The following FANK1 variants were observed in gnomAD, a reference collection of about 807,000 sequenced individuals.
FANK1 encodes fibronectin type III and ankyrin repeat domains 1.
Under a neutral mutation model 45.3 loss-of-function variants are expected in FANK1, and 44 were observed. That is an observed-to-expected ratio of 0.97 (90% CI 0.76 to 1.25). The LOEUF (loss-of-function observed/expected upper bound fraction) is 1.25, where lower values mean the gene tolerates loss of function less well. Ranked by LOEUF, FANK1 falls within the 50% of genes most tolerant of loss-of-function variation. The pLI is 0.00. For missense variants in FANK1, 391 were observed against 424.4 expected, an observed-to-expected ratio of 0.92 and a Z score of 0.69; for synonymous variants, 149 against 152.5, an observed-to-expected ratio of 0.98 and a Z score of 0.17.
chr10:125,944,165 C>T (rs1048090717), intron 1 of FANK1, among the ~76,000 whole-genome samples: 2 of 152,168 alleles, frequency 1.3e-5, no homozygotes, highest in African/African-American at 4.8e-5. Flanking sequence ...TTTAGAGTAG[C>T]ACACGATAAT....
At chr10:125,977,808 T>C (rs1295299489) in intron 1 of FANK1, among the ~76,000 whole-genome samples, 1 of 152,082 alleles carries the variant, frequency 6.6e-6, no homozygotes. Flanking sequence ...GGAGACAGAC[T>C]GGCTGCCTCT....
At chr10:125,951,246 A>G (rs960028155) in intron 1 of FANK1, among the ~76,000 whole-genome samples, 83 of 152,234 alleles carry the variant, frequency 5.5e-4, no homozygotes, top group African/African-American at 1.9e-3. Flanking sequence ...TAAAAAAAAA[A>G]AAAAGAACAA....
intron 3 of FANK1, among the ~76,000 whole-genome samples, chr10:125,993,849 A>G (rs1360722237): frequency 6.6e-6 from 1 of 152,266 alleles, no homozygotes. Context: ...TTATTTCAAA[A>G]TAATTTAAAC....
At chr10:125,899,347 A>G (rs1336041528) in intron 1 of FANK1, among the ~76,000 whole-genome samples, 1 of 152,192 alleles carries the variant, frequency 6.6e-6, no homozygotes, top group African/African-American at 2.4e-5. Context: ...GGCGTGAGCC[A>G]CCGTGCCCGG....
intron 3 of FANK1, chr10:125,994,847 C>T (rs1321566913): frequency 1.0e-6 from 1 of 985,370 alleles, no homozygotes; most frequent in Non-Finnish European, 1.2e-6. Flanking sequence ...CCTCCTGGGT[C>T]TTCGCTGGTT....
chr10:125,908,464 G>A (rs1245763592), intron 1 of FANK1, among the ~76,000 whole-genome samples: 1 of 152,180 alleles, frequency 6.6e-6, no homozygotes. Context: ...AATCTGGATG[G>A]AATTAGAGAC....
chr10:125,925,459 G>A (rs1373960343), intron 1 of FANK1, among the ~76,000 whole-genome samples: 1 of 152,190 alleles, frequency 6.6e-6, no homozygotes, highest in African/African-American at 2.4e-5. Context: ...TGCAGGGGCT[G>A]TTCACAGGTG....
At chr10:125,995,066 C>A in intron 3 of FANK1, 1 of 522,362 alleles carries the variant, frequency 1.9e-6, no homozygotes, top group Non-Finnish European at 2.5e-6. Flanking sequence ...GCAAATAAAA[C>A]TAGCATATTG....
intron 1 of FANK1, among the ~76,000 whole-genome samples, chr10:125,963,685 T>C (rs966211483): frequency 1.3e-5 from 2 of 152,144 alleles, no homozygotes; most frequent in South Asian, 2.1e-4. Context: ...TAGGTGGGAA[T>C]TGAACAGTGA....
intron 1 of FANK1, among the ~76,000 whole-genome samples, chr10:125,955,428 T>C (rs1949516790): frequency 6.6e-6 from 1 of 152,186 alleles, no homozygotes; most frequent in Non-Finnish European, 1.5e-5. Context: ...GCAAAGGATA[T>C]GATCTTGTTC....
chr10:125,959,431 A>AAAAAG (rs1328653154), intron 1 of FANK1, among the ~76,000 whole-genome samples: 3 of 151,434 alleles, frequency 2.0e-5, no homozygotes, highest in Non-Finnish European at 4.4e-5. Context: ...AAAAAAAAAA[A>AAAAAG]AAGATACGAA....
At chr10:125,988,697 A>G in intron 3 of FANK1, 22 bp downstream of exon 3, 1 of 1,614,130 alleles carries the variant, frequency 6.2e-7, no homozygotes, top group South Asian at 1.1e-5. Flanking sequence ...GACCGTCCAC[A>G]CTCACCTCTC....
chr10:126,005,061 G>A lies in FANK1; in HGVS notation c.705+12G>A. 1.2e-6 allele frequency: 2 copies of A among 1,609,368 alleles called. No individual in the cohort carries two copies. The highest frequency in any genetic ancestry group is 1.7e-6 in the Non-Finnish European group (2 of 1,176,948). The stretch of plus-strand genomic sequence containing the variant: ...AGGATGGCTGTGAGGTACGGGACCT[G>A]CCTTGTTAACCACGCACATATCGTT... On this transcript the variant is annotated intron_variant, in intron 7 of 10. Transcript: ENST00000368693.
intron 2 of FANK1, among the ~76,000 whole-genome samples, chr10:125,988,164 C>T (rs1317426528): frequency 1.3e-5 from 2 of 152,220 alleles, no homozygotes; most frequent in Non-Finnish European, 2.9e-5. Context: ...ATGTATTAGC[C>T]TTGCAGCCCC....
intron 7 of FANK1, among the ~76,000 whole-genome samples, chr10:126,005,477 T>G (rs1240341472): frequency 6.6e-6 from 1 of 152,002 alleles, no homozygotes; most frequent in African/African-American, 2.4e-5. Context: ...CCAACTAATT[T>G]TTGTATTTTT....
At chr10:125,963,637 G>GC (rs1309454224) in intron 1 of FANK1, among the ~76,000 whole-genome samples, 5 of 152,048 alleles carry the variant, frequency 3.3e-5, no homozygotes, top group African/African-American at 1.2e-4. Flanking sequence ...GCAAACTATC[G>GC]CAAGGACAAA....
At chr10:125,979,422 T>A (rs755421706) in intron 1 of FANK1, among the ~76,000 whole-genome samples, 3 of 152,172 alleles carry the variant, frequency 2.0e-5, no homozygotes, top group Admixed American at 6.5e-5. Flanking sequence ...TATGTGTATT[T>A]TTAATTTTAA....
In FANK1 at chr10:125,946,134, T is replaced by C. The variant is rs553943216; in HGVS notation, c.14-34027T>C. Among the ~76,000 whole-genome samples, 721 of 151,868 alleles carry C rather than the reference T, an allele frequency of 4.7e-3. 8 individuals carry two copies. Among genetic ancestry groups the C allele is most frequent in the African/African-American group, 0.016 (656 of 41,334 alleles). On this transcript the variant is annotated intron_variant, in intron 1 of 10. Transcript: ENST00000368693. ...CATCACCATCATCAAAGACCAAAAG[T>C]AGATAAAACCACAAAGATGGGAAAA...
chr10:125,985,583 C>T (rs1018614104), intron 2 of FANK1, among the ~76,000 whole-genome samples: 1 of 152,046 alleles, frequency 6.6e-6, no homozygotes, highest in Non-Finnish European at 1.5e-5. Flanking sequence ...ATGCCATTGG[C>T]GTTATTTCTT....
Sources: gnomAD v4.1 joint callset for allele counts (sites outside exome capture counted in the v4.1 genomes callset) on GRCh38, gnomAD v4.1.1 for gene constraint, MANE v1.5 for transcripts, NCBI Gene and HGNC (gene_info 2026-07-23, HGNC 2026-07-21) for gene names.